Variants in EPB41L5 observed in about 807,000 individuals in gnomAD.
EPB41L5 encodes the protein erythrocyte membrane protein band 4.1 like 5, also known as band 4.1-like protein 5.
Under a neutral mutation model 106.6 loss-of-function variants are expected in EPB41L5, and 55 were observed. That is an observed-to-expected ratio of 0.52 (90% CI 0.42 to 0.65). The LOEUF (loss-of-function observed/expected upper bound fraction) is 0.65, where lower values mean the gene tolerates loss of function less well. Among genes scored for constraint, EPB41L5 ranks in the 30% least tolerant of loss-of-function variants. EPB41L5 has a pLI of 0.00. For missense variants in EPB41L5, 871 were observed against 882.1 expected (o/e 0.99, Z 0.16); for synonymous variants, 297 against 306.7 (o/e 0.97, Z 0.33).
intron 2 of EPB41L5, among the ~76,000 whole-genome samples, chr2:120,028,163 C>T (rs527755154): frequency 6.6e-5 from 10 of 152,096 alleles, no homozygotes; most frequent in East Asian, 1.9e-4. Flanking sequence ...CGCGCCCGGC[C>T]GGAAGTTATT....
rs569673190 is a variant in EPB41L5 at position 120,030,709 on chromosome 2, A to G, written c.181-11297A>G. 5.3e-4 allele frequency among the ~76,000 whole-genome samples: 80 copies of G among 150,768 alleles called. No homozygotes were observed. The Middle Eastern group carries it at 0.017, about 33-fold the overall frequency. ...GCTAGGATTACAGGCACATGCCACT[A>G]TGCCCGGCTAATTTTTGTGTTTTTT... is the stretch of plus-strand genomic sequence containing the variant. On this transcript the variant is annotated intron_variant, in intron 2 of 24. Transcript: ENST00000263713.
intron 3 of EPB41L5, among the ~76,000 whole-genome samples, chr2:120,071,873 A>G (rs1213196138): frequency 2.0e-5 from 3 of 152,214 alleles, no homozygotes; most frequent in African/African-American, 4.8e-5. Context: ...GGCATGGGCA[A>G]AAACTTCAAA....
intron 3 of EPB41L5, among the ~76,000 whole-genome samples, chr2:120,054,050 C>T: frequency 6.6e-6 from 1 of 152,180 alleles, no homozygotes; most frequent in East Asian, 1.9e-4. Flanking sequence ...TCCTGTTTCT[C>T]CACATCCTTG....
chr2:120,160,160 T>G (rs534332441), intron 20 of EPB41L5, among the ~76,000 whole-genome samples: 13 of 152,258 alleles, frequency 8.5e-5, no homozygotes, highest in African/African-American at 2.9e-4. Flanking sequence ...TACAACAAAT[T>G]CCAATGATAC....
At chr2:120,075,410 G>A (rs367813843) in intron 5 of EPB41L5, 66 bp from the exon 6 acceptor site, 8 of 1,166,498 alleles carry the variant, frequency 6.9e-6, no homozygotes, top group Middle Eastern at 1.9e-4. Context: ...CAAGTTAGAA[G>A]TGTAAGATTT....
intron 7 of EPB41L5, among the ~76,000 whole-genome samples, chr2:120,076,470 C>CTTT (rs35333671): frequency 0.012 from 698 of 58,870 alleles, 128 homozygotes; most frequent in Middle Eastern, 0.02. Context: ...AATTTTTGTA[C>CTTT]TTTTTTTTTT....
chr2:120,173,440 C>T (rs60629195), intron 24 of EPB41L5, among the ~76,000 whole-genome samples: 15,670 of 152,084 alleles, frequency 0.1, 1,198 homozygotes, highest in African/African-American at 0.21. Flanking sequence ...TAGTCTGATT[C>T]GGTATATCTG....
chr2:120,069,058 G>T (rs1405549267), intron 3 of EPB41L5, among the ~76,000 whole-genome samples: 1 of 140,924 alleles, frequency 7.1e-6, no homozygotes, highest in Admixed American at 7.6e-5. Context: ...AATCCAGGAT[G>T]CAGAGACTGA....
chr2:120,116,788 A>G (rs1392762984), intron 16 of EPB41L5, among the ~76,000 whole-genome samples: 2 of 152,226 alleles, frequency 1.3e-5, no homozygotes, highest in East Asian at 3.9e-4. Context: ...TCAGCCTCCC[A>G]AAGTGTTGGG....
At chr2:120,124,707 C>T (rs569781772) in intron 16 of EPB41L5, among the ~76,000 whole-genome samples, 2 of 152,226 alleles carry the variant, frequency 1.3e-5, no homozygotes, top group East Asian at 1.9e-4. Context: ...CCTGATCCAG[C>T]GTATAATAAA....
chr2:120,098,926 G>C (rs1205935735), intron 14 of EPB41L5, among the ~76,000 whole-genome samples: 105 of 152,226 alleles, frequency 6.9e-4, no homozygotes, highest in Non-Finnish European at 7.3e-5. Flanking sequence ...AGAATGACAT[G>C]TTGGCTGGTT....
chr2:120,022,373 C>T (rs1677998098), intron 2 of EPB41L5, among the ~76,000 whole-genome samples: 1 of 149,424 alleles, frequency 6.7e-6, no homozygotes, highest in Non-Finnish European at 1.5e-5. Context: ...GTGATGTTCT[C>T]CTCCCTGTGT....
In EPB41L5 at chr2:120,038,568, C is replaced by A. The variant is rs557881281; in HGVS notation, c.181-3438C>A. Reference sequence around the variant, plus strand: ...GGCCAAGAGTTCAAGACCAGCCTGGCCAACATGGCAAAACCCTATCTCTAC... The same window carrying A: ...GGCCAAGAGTTCAAGACCAGCCTGGACAACATGGCAAAACCCTATCTCTAC... On this transcript the variant is annotated intron_variant, in intron 2 of 24. Coordinates refer to ENST00000263713, the MANE Select transcript of EPB41L5 (RefSeq NM_020909.4). 8.6e-4 allele frequency among the ~76,000 whole-genome samples: 131 copies of A among 152,210 alleles called. 1 individual carries two copies. The highest frequency in any genetic ancestry group is 6.8e-3 in the Middle Eastern group (2 of 294).
At chr2:120,092,655 G>A (rs1683495003) in intron 13 of EPB41L5, among the ~76,000 whole-genome samples, 1 of 152,164 alleles carries the variant, frequency 6.6e-6, no homozygotes, top group South Asian at 2.1e-4. Flanking sequence ...ATGTTTGGCA[G>A]TATTGACTTT....
rs200144022 is a variant in EPB41L5, at chr2:120,100,701, T to A, written c.1224T>A (p.Ala408=). The A allele has an allele frequency of 2.5e-6, 4 of 1,612,950 alleles. No individual in the cohort carries two copies. The East Asian group carries it at 8.9e-5, about 36-fold the overall frequency. The change falls in exon 16 of 25, where the codon GCT becomes GCA. Residue 408 remains alanine (A), a splice_region_variant and synonymous_variant. Transcript: ENST00000263713. The stretch of plus-strand genomic sequence containing the variant: ...ATTTTTATAATTTTTGTCCAAAGGC[T>A]TGGGGGATGAGATCTGCTCTGCCTG... ...VSTQSNGSQQ[A]WGMRSALPVS...
chr2:120,090,802 G>A (rs1241758137), intron 12 of EPB41L5, among the ~76,000 whole-genome samples: 2 of 152,064 alleles, frequency 1.3e-5, no homozygotes, highest in Non-Finnish European at 2.9e-5. Context: ...AGAGTTTTAT[G>A]GACTCTCCAC....
intron 2 of EPB41L5, among the ~76,000 whole-genome samples, chr2:120,032,571 T>C (rs779559852): frequency 6.6e-6 from 1 of 152,208 alleles, no homozygotes; most frequent in Non-Finnish European, 1.5e-5. Context: ...TCACAGTCCA[T>C]TGGCAGCTTC....
At chr2:120,097,917 A>G (rs1015030173) in intron 14 of EPB41L5, among the ~76,000 whole-genome samples, 1 of 152,184 alleles carries the variant, frequency 6.6e-6, no homozygotes, top group Non-Finnish European at 1.5e-5. Flanking sequence ...TTCTCATGTT[A>G]ATCTTATTGA....
chr2:120,050,220 G>A (rs756070998), intron 3 of EPB41L5, among the ~76,000 whole-genome samples: 4 of 152,170 alleles, frequency 2.6e-5, no homozygotes, highest in East Asian at 1.9e-4. Flanking sequence ...TGCCTCGCTA[G>A]GTTGGGGAAG....
Sources: allele counts gnomAD v4.1 joint callset (sites outside exome capture counted in the v4.1 genomes callset), GRCh38; gene constraint gnomAD v4.1.1; transcripts MANE v1.5; gene names NCBI Gene and HGNC (gene_info 2026-07-23, HGNC 2026-07-21).